The following CACNB2 variants were observed in gnomAD, a reference collection of about 807,000 sequenced individuals.
The protein encoded by CACNB2 is calcium voltage-gated channel auxiliary subunit beta 2.
A neutral mutation model predicts 73.3 loss-of-function variants in CACNB2; 42 were observed. That is an observed-to-expected ratio of 0.57 (90% confidence interval 0.45 to 0.74). The LOEUF is 0.74. Among genes scored for constraint, CACNB2 ranks in the 30% least tolerant of loss-of-function variants. The probability of loss-of-function intolerance (pLI) is 0.00; values close to 1 mark genes in which losing one functional copy is unlikely to be tolerated. For synonymous variants in CACNB2, 348 were observed against 310.3 expected, an observed-to-expected ratio of 1.12 and a Z score of -1.28; for missense variants, 940 against 853.0, an observed-to-expected ratio of 1.10 and a Z score of -1.27.
intron 2 of CACNB2, among the ~76,000 whole-genome samples, chr10:18,286,325 G>A (rs1588942219): frequency 6.6e-6 from 1 of 151,862 alleles, no homozygotes; most frequent in African/African-American, 2.4e-5. Context: ...GACCATCCTG[G>A]CTAACACGGT....
chr10:18,157,666 G>T (rs926664116), intron 2 of CACNB2, among the ~76,000 whole-genome samples: 1 of 152,134 alleles, frequency 6.6e-6, no homozygotes, highest in Non-Finnish European at 1.5e-5. Context: ...CAAATGTAAG[G>T]TTGGAGTCAA....
At chr10:18,299,076 A>AAAAT (rs2039397781) in intron 2 of CACNB2, among the ~76,000 whole-genome samples, 2 of 94,350 alleles carry the variant, frequency 2.1e-5, no homozygotes, top group African/African-American at 8.1e-5. Context: ...CTAAAAAAAA[A>AAAAT]AAAATAAAAA....
intron 2 of CACNB2, among the ~76,000 whole-genome samples, chr10:18,161,097 A>G (rs1361584847): frequency 1.3e-5 from 2 of 152,176 alleles, no homozygotes; most frequent in South Asian, 2.1e-4. Context: ...GAAGAGGGGA[A>G]AACAGGAAGA....
At chr10:18,487,661 C>T (rs1008950420) in intron 3 of CACNB2, among the ~76,000 whole-genome samples, 1 of 152,008 alleles carries the variant, frequency 6.6e-6, no homozygotes, top group Non-Finnish European at 1.5e-5. Flanking sequence ...ATAGTGAAAC[C>T]CTGTCTCTGC....
chr10:18,346,413 C>T (rs777069907), intron 2 of CACNB2, among the ~76,000 whole-genome samples: 13 of 152,080 alleles, frequency 8.5e-5, no homozygotes, highest in Admixed American at 3.9e-4. Context: ...GCTGGGATTA[C>T]GGGCGTGAGC....
intron 3 of CACNB2, among the ~76,000 whole-genome samples, chr10:18,454,235 G>C (rs953848234): frequency 6.6e-6 from 1 of 152,112 alleles, no homozygotes; most frequent in African/African-American, 2.4e-5. Context: ...TTAGAGAAAG[G>C]GTCCAACAGA....
At chr10:18,509,855 T>C (rs2050674672) in intron 6 of CACNB2, among the ~76,000 whole-genome samples, 1 of 152,074 alleles carries the variant, frequency 6.6e-6, no homozygotes, top group Non-Finnish European at 1.5e-5. Flanking sequence ...AATAATAATA[T>C]ATGCATGCTA....
intron 2 of CACNB2, among the ~76,000 whole-genome samples, chr10:18,313,091 G>A (rs1202581509): frequency 1.3e-5 from 2 of 152,058 alleles, no homozygotes; most frequent in Non-Finnish European, 2.9e-5. Context: ...ATTTTTTATA[G>A]TTGCATTTAG....
chr10:18,524,724 C>T (rs1461796077), intron 9 of CACNB2, among the ~76,000 whole-genome samples: 5 of 144,016 alleles, frequency 3.5e-5, no homozygotes, highest in African/African-American at 1.3e-4. Context: ...GAGGAAAATA[C>T]ACAAGAAAAA....
rs951172299 is a variant in CACNB2 at position 18,424,076 on chromosome 10, G to A, written c.333+22033G>A. 2.0e-5 allele frequency among the ~76,000 whole-genome samples: 3 copies of A among 151,902 alleles called. No individual in the cohort carries two copies. The South Asian group carries it at 6.2e-4, about 32-fold the overall frequency. ...TCATGTACCCACCTCCACAATTACA[G>A]ATACAGAGTGTCACTAATAGCTTTG... On this transcript the variant is annotated intron_variant, in intron 3 of 13. Transcript: ENST00000324631.
chr10:18,431,028 A>G (rs2045864792), intron 3 of CACNB2, among the ~76,000 whole-genome samples: 1 of 152,174 alleles, frequency 6.6e-6, no homozygotes, highest in African/African-American at 2.4e-5. Flanking sequence ...CCCAGGTTGG[A>G]GTGCAGTGGC....
chr10:18,391,666 CCTGTAATCCCAGCACTTT>C, intron 2 of CACNB2, among the ~76,000 whole-genome samples: 1 of 152,166 alleles, frequency 6.6e-6, no homozygotes, highest in African/African-American at 2.4e-5. Flanking sequence ...GTGGCTCACA[CCTGTAATCCCAGCACTTT>C]GGGAGGCCGA....
chr10:18,326,164 G>A (rs1159086928), intron 2 of CACNB2, among the ~76,000 whole-genome samples: 1 of 148,224 alleles, frequency 6.7e-6, no homozygotes, highest in African/African-American at 2.5e-5. Flanking sequence ...CAGAGTTAGT[G>A]TACAGAAACA....
intron 2 of CACNB2, among the ~76,000 whole-genome samples, chr10:18,174,735 C>G (rs1031993466): frequency 1.3e-5 from 2 of 152,036 alleles, no homozygotes; most frequent in African/African-American, 4.8e-5. Flanking sequence ...GAGATTTGTT[C>G]TGTTCTGCTT....
At chr10:18,349,392 G>C (rs2041610916) in intron 2 of CACNB2, among the ~76,000 whole-genome samples, 1 of 152,218 alleles carries the variant, frequency 6.6e-6, no homozygotes. Flanking sequence ...CACAGCGAGT[G>C]TGAAGAATAA....
intron 2 of CACNB2, among the ~76,000 whole-genome samples, chr10:18,286,288 G>T (rs981307799): frequency 6.6e-6 from 1 of 151,938 alleles, no homozygotes; most frequent in African/African-American, 2.4e-5. Context: ...AGGCCAAGGC[G>T]GGCGGATCAC....
In CACNB2 at chr10:18,401,049, C is replaced by G. The variant is rs780188247; in HGVS notation, c.214-875C>G. Reference sequence around the variant, plus strand: ...TCTGGCTCATGAAGGCCACCTGGATCAGGCTTCTGAAAAGAGCCAAGGGAG... The same window carrying G: ...TCTGGCTCATGAAGGCCACCTGGATGAGGCTTCTGAAAAGAGCCAAGGGAG... On this transcript the variant is annotated intron_variant, in intron 2 of 13. Transcript: ENST00000324631. The G allele has an allele frequency of 1.6e-5, 26 of 1,614,192 alleles. 1 individual carries two copies. The South Asian group carries it at 2.9e-4, about 18-fold the overall frequency.
chr10:18,353,776 C>T (rs1352302805), intron 2 of CACNB2, among the ~76,000 whole-genome samples: 2 of 152,196 alleles, frequency 1.3e-5, no homozygotes, highest in African/African-American at 4.8e-5. Context: ...TGCTCTATGG[C>T]AGCTGAGGGC....
At chr10:18,466,680 A>G (rs12219393) in intron 3 of CACNB2, among the ~76,000 whole-genome samples, 22,751 of 152,130 alleles carry the variant, frequency 0.15, 2,293 homozygotes, top group East Asian at 0.52. Flanking sequence ...GGAATAAGAG[A>G]TTCACACTTT....
Sources: allele counts gnomAD v4.1 joint callset (sites outside exome capture counted in the v4.1 genomes callset), GRCh38; gene constraint gnomAD v4.1.1; transcripts MANE v1.5; gene names NCBI Gene and HGNC (gene_info 2026-07-23, HGNC 2026-07-21).